The following PARD3B variants were observed in gnomAD, a reference collection of about 807,000 sequenced individuals.
The protein encoded by PARD3B is par-3 family cell polarity regulator beta.
PARD3B carries 103 observed loss-of-function variants against 130.2 expected under a neutral mutation model. The ratio of observed to expected loss-of-function variants is 0.79; its 90% CI spans 0.67 to 0.93. PARD3B has a LOEUF of 0.93. PARD3B is among the 40% of genes least tolerant of loss of function. The pLI, the probability that PARD3B is intolerant of heterozygous loss-of-function variation, is 0.00. For missense variants in PARD3B, 1,609 were observed against 1,499.2 expected, an observed-to-expected ratio of 1.07 and a Z score of -1.21; for synonymous variants, 583 against 553.2, an observed-to-expected ratio of 1.05 and a Z score of -0.76.
chr2:205,424,652 TGTA>T, intron 19 of PARD3B, among the ~76,000 whole-genome samples: 1 of 152,158 alleles, frequency 6.6e-6, no homozygotes, highest in African/African-American at 2.4e-5. Flanking sequence ...GGAAAGGAAA[TGTA>T]GTTAGTTTCC....
chr2:204,557,344 T>C (rs1259471744), intron 1 of PARD3B, among the ~76,000 whole-genome samples: 2 of 152,276 alleles, frequency 1.3e-5, no homozygotes, highest in African/African-American at 4.8e-5. Flanking sequence ...GCACCATCAT[T>C]CACTTGGTTG....
Position 204,855,101 on chromosome 2 carries a change from G to A in PARD3B, c.223-110051G>A, listed in dbSNP as rs377102699. ...GTGTCAATATATTGACCCTGCCTGG[G>A]CAATGTAGTGAGAACCTGTCTCAAA... On this transcript the variant is annotated intron_variant, in intron 2 of 22. Coordinates refer to ENST00000406610, the MANE Select transcript of PARD3B (RefSeq NM_001302769.2). 1.7e-4 allele frequency among the ~76,000 whole-genome samples: 26 copies of A among 152,214 alleles called. No individual in the cohort carries two copies. In the East Asian group the frequency reaches 2.7e-3, roughly 16 times the overall value.
At chr2:205,101,337 T>G (rs1321058895) in intron 4 of PARD3B, among the ~76,000 whole-genome samples, 4 of 152,180 alleles carry the variant, frequency 2.6e-5, no homozygotes, top group African/African-American at 9.7e-5. Context: ...TATGGAGATT[T>G]TATACCCATT....
At chr2:205,406,361 T>C (rs1480867562) in intron 19 of PARD3B, among the ~76,000 whole-genome samples, 1 of 152,184 alleles carries the variant, frequency 6.6e-6, no homozygotes, top group Admixed American at 6.5e-5. Flanking sequence ...TTCAGCTTAA[T>C]GGAAGGGAAA....
At chr2:205,528,068 T>C (rs777502180) in intron 21 of PARD3B, among the ~76,000 whole-genome samples, 8 of 152,148 alleles carry the variant, frequency 5.3e-5, no homozygotes, top group Non-Finnish European at 1.2e-4. Flanking sequence ...CAATGGTCTA[T>C]GTGAGTGATC....
At chr2:205,053,296 G>T (rs1699360315) in intron 4 of PARD3B, among the ~76,000 whole-genome samples, 1 of 151,448 alleles carries the variant, frequency 6.6e-6, no homozygotes, top group Non-Finnish European at 1.5e-5. Context: ...ATAATTGATC[G>T]CCACTGTGAT....
intron 21 of PARD3B, among the ~76,000 whole-genome samples, chr2:205,538,313 A>G (rs1220263117): frequency 2.0e-5 from 3 of 152,196 alleles, no homozygotes. Flanking sequence ...GCTTGAACCA[A>G]CGTAAGGAAA....
At chr2:204,706,835 T>G (rs985008717) in intron 2 of PARD3B, among the ~76,000 whole-genome samples, 1 of 152,192 alleles carries the variant, frequency 6.6e-6, no homozygotes, top group Non-Finnish European at 1.5e-5. Flanking sequence ...TCATAGACAT[T>G]AATATTTTTC....
intron 4 of PARD3B, among the ~76,000 whole-genome samples, chr2:205,058,758 C>G (rs187963430): frequency 6.6e-6 from 1 of 152,022 alleles, no homozygotes; most frequent in Admixed American, 6.6e-5. Flanking sequence ...ACTGTCTTTT[C>G]AAGTCCTTTA....
rs2039467942 is a variant in PARD3B at position 205,244,112 on chromosome 2, C to T, written c.2141-1666C>T. ...TAAGCAGTTGGGAACAGAATAATCA[C>T]AGATATGTAGTGCTTTTATCTAGAA... On this transcript the variant is annotated intron_variant, in intron 15 of 22. Transcript: ENST00000406610. The surrounding 1 kb of genome is among the most constrained non-coding windows in gnomAD (Gnocchi z 4.7). 6.6e-6 allele frequency among the ~76,000 whole-genome samples: 1 copy of T among 152,024 alleles called. No homozygotes were observed. Among genetic ancestry groups the T allele is most frequent in the African/African-American group, 2.4e-5 (1 of 41,398 alleles).
In PARD3B at chr2:205,113,593, C is replaced by T; in HGVS notation, c.680+16C>T. 6.3e-7 allele frequency: 1 copy of T among 1,595,250 alleles called. No individual in the cohort carries two copies. The highest frequency in any genetic ancestry group is 8.6e-7 in the Non-Finnish European group (1 of 1,165,682). ...TGAGTGGAAGGTAAGATGTTTTTCT[C>T]ATTCCAGAAGCTCATGCTAATGAAA... On this transcript the variant is annotated intron_variant, in intron 6 of 22. Transcript: ENST00000406610.
At chr2:205,232,961 A>C (rs2038912645) in intron 15 of PARD3B, among the ~76,000 whole-genome samples, 1 of 152,188 alleles carries the variant, frequency 6.6e-6, no homozygotes, top group Non-Finnish European at 1.5e-5. Context: ...CAGAGAAAAA[A>C]TATCTGAGAA....
chr2:204,625,517 T>A (rs1368052975), intron 1 of PARD3B, among the ~76,000 whole-genome samples: 1 of 152,204 alleles, frequency 6.6e-6, no homozygotes, highest in South Asian at 2.1e-4. Flanking sequence ...TCTTGAAGCA[T>A]TGACAATGAA....
chr2:205,307,574 C>T (rs1051552478), intron 18 of PARD3B, among the ~76,000 whole-genome samples: 1 of 152,126 alleles, frequency 6.6e-6, no homozygotes, highest in Non-Finnish European at 1.5e-5. Context: ...GGTGAAGCTC[C>T]AGCTCCTTTA....
At chr2:205,217,666 T>G (rs2037984563) in intron 15 of PARD3B, among the ~76,000 whole-genome samples, 1 of 151,406 alleles carries the variant, frequency 6.6e-6, no homozygotes, top group Non-Finnish European at 1.5e-5. Flanking sequence ...TCTTAATGTC[T>G]CTAACCTACT....
At position 205,175,200 on chromosome 2, in the gene PARD3B, GA is replaced by G. The variant is rs536348049; in HGVS notation, c.1792-1238del. Among the ~76,000 whole-genome samples the G allele has an allele frequency of 5.0e-3, 754 of 152,208 alleles. 1 individual carries two copies. The highest frequency in any genetic ancestry group is 8.4e-3 in the Non-Finnish European group (570 of 68,016). On this transcript the variant is annotated intron_variant, in intron 12 of 22. Transcript: ENST00000406610. ...CATTTATCAAAGAGCTGGGGAAGCA[GA>G]AAAAAATTTTTTGTTCTTGTTGTTA...
chr2:204,773,912 A>C (rs1330173120), intron 2 of PARD3B, among the ~76,000 whole-genome samples: 1 of 152,066 alleles, frequency 6.6e-6, no homozygotes, highest in Non-Finnish European at 1.5e-5. Context: ...CTTAGAGTAG[A>C]ATTCAGAGTG....
At chr2:205,557,082 A>G (rs1280918966) in intron 22 of PARD3B, among the ~76,000 whole-genome samples, 2 of 152,066 alleles carry the variant, frequency 1.3e-5, no homozygotes, top group East Asian at 3.9e-4. Flanking sequence ...GCATCGGCGC[A>G]TGATATTGCT....
intron 3 of PARD3B, among the ~76,000 whole-genome samples, chr2:205,014,193 C>G (rs1475242490): frequency 2.0e-5 from 3 of 152,208 alleles, no homozygotes; most frequent in Admixed American, 6.5e-5. Flanking sequence ...CATGCTGTCA[C>G]TAGTATCAAC....
Sources: allele counts gnomAD v4.1 joint callset (sites outside exome capture counted in the v4.1 genomes callset), GRCh38; gene constraint gnomAD v4.1.1; non-coding constraint Gnocchi (gnomAD v3.1); transcripts MANE v1.5; gene names NCBI Gene and HGNC (gene_info 2026-07-23, HGNC 2026-07-21).